Variants in MAB21L4 observed in about 807,000 individuals in gnomAD.
MAB21L4 encodes protein mab-21-like 4.
In MAB21L4, 25 loss-of-function variants were observed where a neutral mutation model predicts 32.4. The observed-to-expected ratio is 0.77, with a 90% CI of 0.56 to 1.08. The LOEUF is 1.08. Ranked by LOEUF, MAB21L4 falls within the 50% of genes least tolerant of loss-of-function variation. The pLI, the probability that MAB21L4 is intolerant of heterozygous loss-of-function variation, is 0.00. For missense variants in MAB21L4, 638 were observed against 611.0 expected (o/e 1.04, Z -0.47); for synonymous variants, 280 against 276.8 (o/e 1.01, Z -0.11).
At chr2:240,887,589 A>G (rs1316086887) in intron 4 of MAB21L4, among the ~76,000 whole-genome samples, 1 of 152,256 alleles carries the variant, frequency 6.6e-6, no homozygotes, top group Non-Finnish European at 1.5e-5. Context: ...AACAGGCGGA[A>G]GTTTGCTAAA....
At chr2:240,892,493 C>T (rs2059158876) in intron 1 of MAB21L4, among the ~76,000 whole-genome samples, 1 of 152,206 alleles carries the variant, frequency 6.6e-6, no homozygotes, top group Non-Finnish European at 1.5e-5. Flanking sequence ...GAGGGACAGG[C>T]CCAGGCTGAG....
chr2:240,892,070 G>A, intron 1 of MAB21L4: 1 of 1,443,952 alleles, frequency 6.9e-7, no homozygotes, highest in Non-Finnish European at 9.1e-7. Flanking sequence ...GTTTTCCTTT[G>A]CCAGGCACCA....
Position 240,888,384 on chromosome 2 carries a change from G to A in MAB21L4, c.1159C>T (p.Arg387Cys), listed in dbSNP as rs778323146. The change falls in exon 4 of 5, where the codon CGC becomes TGC. Residue 387 changes from arginine to cysteine, a missense_variant. Coordinates refer to ENST00000388934, the MANE Select transcript of MAB21L4 (RefSeq NM_001085437.3). ...AGCGCCTTGAGCCCGGAGCCGATGC[G>A]CGGCGGGGGGCTGCGGCCCAGGTGG... is the stretch of plus-strand genomic sequence containing the variant. ...ATHLGRSPPP[R>C]IGSGLKALLQ... 7 of 1,558,860 alleles carry A rather than the reference G, an allele frequency of 4.5e-6. No individual in the cohort carries two copies. Among genetic ancestry groups the A allele is most frequent in the East Asian group, 2.4e-5 (1 of 41,820 alleles).
chr2:240,890,074 G>A lies in MAB21L4; in HGVS notation c.825C>T (p.Leu275=), dbSNP rs370016041. Residue 275 remains leucine (L), a synonymous_variant, in exon 3 of 5, where the codon CTC becomes CTT. Coordinates refer to ENST00000388934, the MANE Select transcript of MAB21L4 (RefSeq NM_001085437.3). ...GCCAGCTCTCGTGGTTGACCCGGTC[G>A]AGGATGGAGAGGCTGTCCAGGCGAT... is the stretch of plus-strand genomic sequence containing the variant. ...QGHRLDSLSI[L]DRVNHESWRD... is the part of the protein sequence containing the mutation. 1,497 of 1,613,364 alleles carry A rather than the reference G, an allele frequency of 9.3e-4. No homozygotes were observed. Among genetic ancestry groups the A allele is most frequent in the Non-Finnish European group, 1.1e-3 (1,342 of 1,179,742 alleles).
rs932471093 is a variant in MAB21L4, at chr2:240,890,136, T to C, written c.763A>G (p.Thr255Ala). ...LWRTSTDYLL[T>A]RLLGELGSLQ... ...GAGCCCAGCTCCCCCAGCAGCCTCG[T>C]GAGCAGGTAGTCAGTGGAGGTCCTG... is the stretch of plus-strand genomic sequence containing the variant. Residue 255 changes from threonine (T) to alanine (A), a missense_variant, in exon 3 of 5, where the codon ACG (threonine) becomes GCG (alanine). Coordinates refer to ENST00000388934, the MANE Select transcript of MAB21L4 (RefSeq NM_001085437.3). The C allele has an allele frequency of 1.2e-6, 2 of 1,609,874 alleles. No individual in the cohort carries two copies. Among genetic ancestry groups the C allele is most frequent in the Admixed American group, 1.7e-5 (1 of 59,934 alleles).
In MAB21L4 at chr2:240,886,198, G is replaced by C. The variant is rs776822582; in HGVS notation, c.*872C>G. 31 of 152,352 alleles carry C rather than the reference G, an allele frequency of 2.0e-4. No homozygotes were observed. Among genetic ancestry groups the C allele is most frequent in the Non-Finnish European group, 2.6e-4 (18 of 68,202 alleles). 9.4% of individuals were successfully genotyped at this position (152,352 alleles called of 1,614,324 possible). A position where few individuals can be genotyped will look rare whatever the true frequency, so the allele number is the denominator to read the frequency against. Reference sequence around the variant, plus strand: ...CGGAGAAAGAGGAAGAGAGCAAAAGGAGAGGGGGAGGGGCCACACACTCAA... The same window carrying C: ...CGGAGAAAGAGGAAGAGAGCAAAAGCAGAGGGGGAGGGGCCACACACTCAA... On this transcript the variant is annotated 3_prime_UTR_variant, in exon 5 of 5. Coordinates refer to ENST00000388934, the MANE Select transcript of MAB21L4 (RefSeq NM_001085437.3).
At chr2:240,891,940 C>T (rs748804283) in intron 1 of MAB21L4, 177 bp from the exon 2 acceptor site, 146 of 1,564,646 alleles carry the variant, frequency 9.3e-5, no homozygotes, top group Non-Finnish European at 1.2e-4. Flanking sequence ...CTGTGTCCAT[C>T]CCTGGACCTC....
At chr2:240,896,173 C>T (rs2059186677), upstream of MAB21L4, 1 of 1,324,418 alleles carries the variant, frequency 7.6e-7, no homozygotes, top group Admixed American at 3.6e-5. Context: ...GGTGAAATAG[C>T]TGAACTATTT....
intron 3 of MAB21L4, among the ~76,000 whole-genome samples, chr2:240,889,458 C>G (rs1052045061): frequency 1.3e-5 from 2 of 152,198 alleles, no homozygotes; most frequent in African/African-American, 2.4e-5. Flanking sequence ...GCACAGCCCC[C>G]ACCTGCTTCC....
In MAB21L4 at chr2:240,891,540, C is replaced by A; in HGVS notation, c.738G>T (p.Trp246Cys). Residue 246 changes from tryptophan (W) to cysteine (C), a missense_variant and splice_region_variant, in exon 2 of 5, where the codon TGG becomes TGT. By Grantham distance (215) the Trp-to-Cys change is radical. Transcript: ENST00000388934. The part of the protein sequence containing the change: ...VDLVPASAQL[W>C]RTSTDYLLTR... ...TGTGACCAGGAGGGTGCGCCTACCT[C>A]CAGAGCTGGGCGCTGGCCGGCACCA... 6.2e-7 allele frequency: 1 copy of A among 1,607,980 alleles called. No individual in the cohort carries two copies.
In MAB21L4 at chr2:240,887,065, C is replaced by G. The variant is rs767769048; in HGVS notation, c.*5G>C. 10 of 1,612,504 alleles carry G rather than the reference C, an allele frequency of 6.2e-6. No individual in the cohort carries two copies. In the African/African-American group the frequency reaches 6.7e-5, roughly 11 times the overall value. ...GAACAGGTGGCTGAGACCAGGTGGC[C>G]CAGCTCAGCTCTCCTCGCCTCCCAG... is the stretch of plus-strand genomic sequence containing the variant. On this transcript the variant is annotated 3_prime_UTR_variant, in exon 5 of 5. Transcript: ENST00000388934.
chr2:240,891,908 G>A (rs866990609), intron 1 of MAB21L4, 145 bp from the exon 2 acceptor site: 1 of 1,574,244 alleles, frequency 6.4e-7, no homozygotes. Context: ...CCTGCAGGCT[G>A]CAGCTCCCCA....
intron 1 of MAB21L4, among the ~76,000 whole-genome samples, chr2:240,894,797 C>CACAAACAAACAA (rs61681925): frequency 1.5e-4 from 22 of 150,882 alleles, no homozygotes; most frequent in African/African-American, 3.9e-4. Context: ...GACTCAGTCT[C>CACAAACAAACAA]ACAAACAAAC....
intron 2 of MAB21L4, 135 bp from the exon 3 acceptor site, chr2:240,890,293 A>G (rs1259378554): frequency 1.8e-6 from 2 of 1,091,066 alleles, no homozygotes; most frequent in Non-Finnish European, 1.3e-6. Context: ...CCCAGCCGGA[A>G]CCCAGGCTTC....
At chr2:240,894,435 C>G (rs376460880) in intron 1 of MAB21L4, among the ~76,000 whole-genome samples, 1 of 152,154 alleles carries the variant, frequency 6.6e-6, no homozygotes, top group African/African-American at 2.4e-5. Context: ...CCTGTCCTCC[C>G]AGCGACCGTC....
In MAB21L4 at chr2:240,888,576, G is replaced by C; in HGVS notation, c.967C>G (p.Arg323Gly). The change falls in exon 4 of 5, where the codon CGC becomes GGC. Residue 323 changes from arginine to glycine, a missense_variant. By Grantham distance (125) the Arg-to-Gly change is moderately radical. Transcript: ENST00000388934. Reference protein sequence around the residue: ...DWAELQGAVYRLLVVLLCCLA... With the variant: ...DWAELQGAVYGLLVVLLCCLA... ...CAACAGAGCAGCACCACCAGCAGGC[G>C]GTACACGGCGCCCTGCAGTTCTGCC... 1 of 1,607,992 alleles carries C rather than the reference G, an allele frequency of 6.2e-7. No individual in the cohort carries two copies. The highest frequency in any genetic ancestry group is 8.5e-7 in the Non-Finnish European group (1 of 1,178,552).
intron 1 of MAB21L4, among the ~76,000 whole-genome samples, chr2:240,895,178 C>T (rs1485680582): frequency 6.6e-6 from 1 of 152,218 alleles, no homozygotes; most frequent in Non-Finnish European, 1.5e-5. Context: ...GACTGGCAGC[C>T]GTGGAACCCC....
chr2:240,893,424 G>T (rs1300234914), intron 1 of MAB21L4, among the ~76,000 whole-genome samples: 1 of 152,242 alleles, frequency 6.6e-6, no homozygotes, highest in African/African-American at 2.4e-5. Flanking sequence ...TGCAGCACTT[G>T]AGGTGCCTGC....
At position 240,888,423 on chromosome 2, in the gene MAB21L4, G is replaced by T. The variant is rs753251286; in HGVS notation, c.1120C>A (p.Arg374Ser). ...CGGCCCAGGTGGGTGGCGTGGATGC[G>T]CAGGGCCGCCTCGGGCTGGCTGGCG... ...GFASQPEAAL[R>S]IHATHLGRSP... The change falls in exon 4 of 5, where the codon CGC becomes AGC. Residue 374 changes from arginine to serine, a missense_variant. Arg to Ser is a moderately radical substitution (Grantham distance 110). Transcript: ENST00000388934. 6.4e-7 allele frequency: 1 copy of T among 1,560,020 alleles called. No homozygotes were observed.
Sources: gnomAD v4.1 joint callset for allele counts (sites outside exome capture counted in the v4.1 genomes callset) on GRCh38, gnomAD v4.1.1 for gene constraint, MANE v1.5 for transcripts, NCBI Gene and HGNC (gene_info 2026-07-23, HGNC 2026-07-21) for gene names.